The following MUSK variants were observed in gnomAD, a reference collection of about 807,000 sequenced individuals.
The protein encoded by MUSK is muscle associated receptor tyrosine kinase.
MUSK carries 55 observed loss-of-function variants against 88.7 expected under a neutral mutation model. The observed-to-expected ratio is 0.62, with a 90% CI of 0.50 to 0.78. The LOEUF (loss-of-function observed/expected upper bound fraction) is 0.78. Ranked by LOEUF, MUSK falls within the 30% of genes least tolerant of loss-of-function variation. The pLI, the probability that MUSK is intolerant of heterozygous loss-of-function variation, is 0.00. For missense variants in MUSK, 1,015 were observed against 1,074.3 expected (o/e 0.94, Z 0.77); for synonymous variants, 387 against 391.9 (o/e 0.99, Z 0.15).
intron 9 of MUSK, among the ~76,000 whole-genome samples, chr9:110,769,727 T>C (rs1169842216): frequency 6.6e-6 from 1 of 152,166 alleles, no homozygotes; most frequent in Non-Finnish European, 1.5e-5. Context: ...ACGTGTATAA[T>C]AAACAGAATG....
chr9:110,705,936 C>T (rs546308587), intron 5 of MUSK: 101 of 348,674 alleles, frequency 2.9e-4, no homozygotes, highest in Non-Finnish European at 4.9e-4. Flanking sequence ...ATATTTCATA[C>T]ATTCTAAGAT....
chr9:110,758,518 G>A (rs1335411641), intron 7 of MUSK, among the ~76,000 whole-genome samples: 1 of 152,108 alleles, frequency 6.6e-6, no homozygotes, highest in African/African-American at 2.4e-5. Context: ...ATAAGACAAG[G>A]ATGCCCACTC....
At chr9:110,721,589 T>C (rs76644871) in intron 5 of MUSK, among the ~76,000 whole-genome samples, 328 of 152,172 alleles carry the variant, frequency 2.2e-3, no homozygotes, top group African/African-American at 7.6e-3. Flanking sequence ...AAAGAAATCA[T>C]AGATGGCACA....
At chr9:110,729,173 C>A (rs950680518) in intron 5 of MUSK, among the ~76,000 whole-genome samples, 4 of 150,912 alleles carry the variant, frequency 2.7e-5, no homozygotes, top group African/African-American at 9.7e-5. Context: ...TATGCAATTG[C>A]TCCAAATCAA....
At chr9:110,737,638 G>C (rs958817617) in intron 6 of MUSK, among the ~76,000 whole-genome samples, 3 of 151,978 alleles carry the variant, frequency 2.0e-5, no homozygotes, top group African/African-American at 7.2e-5. Context: ...AGTTTCCTTT[G>C]ATACAGAGCT....
chr9:110,747,616 C>T, intron 6 of MUSK, 25 bp from the exon 7 acceptor site: 1 of 1,595,484 alleles, frequency 6.3e-7, no homozygotes. Context: ...TGACTGAGTT[C>T]TTTTATTTTC....
At chr9:110,697,207 G>A in intron 4 of MUSK, 118 bp from the exon 5 acceptor site, 1 of 1,091,374 alleles carries the variant, frequency 9.2e-7, no homozygotes, top group Non-Finnish European at 1.3e-6. Context: ...GGCCAATAAA[G>A]GTCAAAGCGA....
intron 7 of MUSK, among the ~76,000 whole-genome samples, chr9:110,761,554 C>A (rs2077399049): frequency 6.7e-6 from 1 of 148,684 alleles, no homozygotes; most frequent in Admixed American, 6.7e-5. Flanking sequence ...TCTCTGTTAA[C>A]CTCCACATCT....
At chr9:110,706,673 C>G (rs2076603418) in intron 5 of MUSK, among the ~76,000 whole-genome samples, 1 of 152,078 alleles carries the variant, frequency 6.6e-6, no homozygotes, top group East Asian at 1.9e-4. Flanking sequence ...GATTTTATTT[C>G]CCTGTTTTGA....
intron 5 of MUSK, among the ~76,000 whole-genome samples, chr9:110,725,366 G>C (rs2076870993): frequency 6.6e-6 from 1 of 151,974 alleles, no homozygotes; most frequent in Non-Finnish European, 1.5e-5. Flanking sequence ...AGTATAAAGA[G>C]ATTGGTTTTG....
intron 8 of MUSK, among the ~76,000 whole-genome samples, chr9:110,765,679 TTC>T (rs2077470140): frequency 6.6e-6 from 1 of 152,058 alleles, no homozygotes; most frequent in Admixed American, 6.5e-5. Flanking sequence ...ATTCAAGTGA[TTC>T]TCCTGCCTCA....
At chr9:110,722,173 T>C (rs1369393371) in intron 5 of MUSK, among the ~76,000 whole-genome samples, 1 of 152,256 alleles carries the variant, frequency 6.6e-6, no homozygotes, top group African/African-American at 2.4e-5. Flanking sequence ...CTTCTAGACA[T>C]TGGCTTAGGC....
At chr9:110,686,922 G>A (rs919782247) in intron 2 of MUSK, among the ~76,000 whole-genome samples, 195 bp from the exon 3 acceptor site, 1 of 152,086 alleles carries the variant, frequency 6.6e-6, no homozygotes, top group Admixed American at 6.6e-5. Flanking sequence ...TTGACTATTG[G>A]AGCCTAAGAA....
intron 5 of MUSK, among the ~76,000 whole-genome samples, chr9:110,726,295 A>C (rs1449889000): frequency 1.3e-5 from 2 of 152,096 alleles, no homozygotes; most frequent in Non-Finnish European, 2.9e-5. Flanking sequence ...CAGTGGATGA[A>C]ATAGGTGTAT....
chr9:110,769,780 C>G (rs1215979925), intron 9 of MUSK, among the ~76,000 whole-genome samples: 1 of 151,610 alleles, frequency 6.6e-6, no homozygotes, highest in Non-Finnish European at 1.5e-5. Context: ...TCAGCTTTTC[C>G]TTTAGTACTA....
At chr9:110,688,749 A>C (rs2076231626) in intron 3 of MUSK, among the ~76,000 whole-genome samples, 1 of 151,882 alleles carries the variant, frequency 6.6e-6, no homozygotes, top group Non-Finnish European at 1.5e-5. Context: ...TTTACTGAGG[A>C]TAATGGCTTC....
At chr9:110,748,100 T>TCCTC in intron 7 of MUSK, 1 of 488,220 alleles carries the variant, frequency 2.0e-6, no homozygotes, top group East Asian at 4.9e-5. Context: ...CATTTCTCTT[T>TCCTC]CCTCCCTCCC....
chr9:110,689,739 AATATTAT>A (rs1564217996), intron 3 of MUSK, among the ~76,000 whole-genome samples: 386 of 10,480 alleles, frequency 0.037, 13 homozygotes, highest in African/African-American at 0.13. Flanking sequence ...GTTTATATAT[AATATTAT>A]ATATTATATA....
chr9:110,784,795 T>G lies in MUSK; in HGVS notation c.1385-20T>G. 1 of 1,577,258 alleles carries G rather than the reference T, an allele frequency of 6.3e-7. No individual in the cohort carries two copies. Among genetic ancestry groups the G allele is most frequent in the Non-Finnish European group, 8.6e-7 (1 of 1,160,326 alleles). On this transcript the variant is annotated intron_variant, in intron 11 of 14. Transcript: ENST00000374448. ...CTTAAAGGTTTGAGAATGAATGAAA[T>G]AATTATTCTTTACTTACAGCATTCC... is the stretch of plus-strand genomic sequence containing the variant.
Sources: gnomAD v4.1 joint callset for allele counts (sites outside exome capture counted in the v4.1 genomes callset) on GRCh38, gnomAD v4.1.1 for gene constraint, MANE v1.5 for transcripts, NCBI Gene and HGNC (gene_info 2026-07-23, HGNC 2026-07-21) for gene names.